Variants in TRAM2 observed in about 807,000 individuals in gnomAD.
TRAM2 encodes translocation associated membrane protein 2.
In TRAM2, 12 loss-of-function variants were observed where a neutral mutation model predicts 51.0. The observed-to-expected ratio is 0.24, with a 90% CI of 0.15 to 0.38. The LOEUF (loss-of-function observed/expected upper bound fraction) is 0.38, where lower values mean the gene tolerates loss of function less well. Among genes scored for constraint, TRAM2 ranks in the 10% least tolerant of loss-of-function variants. The probability of loss-of-function intolerance (pLI) is 1.00; values close to 1 mark genes in which losing one functional copy is unlikely to be tolerated. For synonymous variants in TRAM2, 175 were observed against 179.4 expected (o/e 0.98, Z 0.20); for missense variants, 361 against 462.0 (o/e 0.78, Z 2.00).
At chr6:52,551,767 TCAGTAC>T (rs1381183423) in intron 1 of TRAM2, among the ~76,000 whole-genome samples, 1 of 151,984 alleles carries the variant, frequency 6.6e-6, no homozygotes, top group African/African-American at 2.4e-5. Flanking sequence ...TCTGCAGGGG[TCAGTAC>T]GGCGCTAGCC....
At chr6:52,533,860 G>A (rs1159769776) in intron 2 of TRAM2, among the ~76,000 whole-genome samples, 2 of 152,220 alleles carry the variant, frequency 1.3e-5, no homozygotes, top group Non-Finnish European at 2.9e-5. Context: ...GGGAGGCTGA[G>A]GCGGGTAGAT....
intron 4 of TRAM2, among the ~76,000 whole-genome samples, chr6:52,512,311 C>T (rs1668313786): frequency 6.6e-6 from 1 of 152,028 alleles, no homozygotes; most frequent in Non-Finnish European, 1.5e-5. Context: ...ACTTTGAAGC[C>T]AAAAAGCAAA....
At chr6:52,541,279 T>C (rs1233031293) in intron 1 of TRAM2, among the ~76,000 whole-genome samples, 1 of 152,210 alleles carries the variant, frequency 6.6e-6, no homozygotes, top group Admixed American at 6.5e-5. Flanking sequence ...GTGCCATGCA[T>C]GAGTCCAAGG....
chr6:52,566,817 A>AC (rs774189997), intron 1 of TRAM2, among the ~76,000 whole-genome samples: 16 of 151,324 alleles, frequency 1.1e-4, no homozygotes, highest in Middle Eastern at 3.2e-3. Flanking sequence ...GAGCTAGGAG[A>AC]CCCCCCTCCA....
At chr6:52,546,284 G>A (rs1767198873) in intron 1 of TRAM2, among the ~76,000 whole-genome samples, 1 of 152,200 alleles carries the variant, frequency 6.6e-6, no homozygotes, top group African/African-American at 2.4e-5. Context: ...GCAGAAGGCA[G>A]GTCCTATGAA....
Position 52,497,615 on chromosome 6 carries a change from A to AAAT in TRAM2, c.*5579_*5581dup, listed in dbSNP as rs1168128288. ...ATGAAAGCATAAATACGGCAGGTAC[A>AAAT]AATTTTCCTTGAGTTCCTTGTTGAA... On this transcript the variant is annotated 3_prime_UTR_variant, in exon 11 of 11. Coordinates refer to ENST00000182527, the MANE Select transcript of TRAM2 (RefSeq NM_012288.4). 6.6e-6 allele frequency: 1 copy of AAAT among 152,486 alleles called. No homozygotes were observed. Among genetic ancestry groups the AAAT allele is most frequent in the African/African-American group, 2.4e-5 (1 of 41,394 alleles). The allele number at this position is 152,486 out of a possible 1,614,324, so 9.4% of individuals were successfully genotyped here.
chr6:52,550,330 G>T lies in TRAM2; in HGVS notation c.121-14484C>A, dbSNP rs138533245. On this transcript the variant is annotated intron_variant, in intron 1 of 10. Coordinates refer to ENST00000182527, the MANE Select transcript of TRAM2 (RefSeq NM_012288.4). ...AGCTTAGGGATAGCTCCCCACGTTC[G>T]CAAGCCTTAGAATGCTTTACTGTTC... 6.9e-3 allele frequency among the ~76,000 whole-genome samples: 1,047 copies of T among 152,176 alleles called. 5 individuals carry two copies. Among genetic ancestry groups the T allele is most frequent in the Non-Finnish European group, 0.012 (836 of 68,004 alleles).
At chr6:52,509,663 T>C in intron 4 of TRAM2, 77 bp from the exon 5 acceptor site, 4 of 1,318,518 alleles carry the variant, frequency 3.0e-6, no homozygotes, top group Non-Finnish European at 3.3e-6. Flanking sequence ...GGTCCAGGGG[T>C]CAGGGATGCA....
intron 1 of TRAM2, among the ~76,000 whole-genome samples, chr6:52,542,278 A>ATTT (rs773694383): frequency 0.04 from 4,013 of 99,402 alleles, 57 homozygotes; most frequent in African/African-American, 0.083. Flanking sequence ...TTTTTTTTTA[A>ATTT]AAAAAATAGT....
chr6:52,546,653 G>A (rs191693299), intron 1 of TRAM2, among the ~76,000 whole-genome samples: 1 of 151,938 alleles, frequency 6.6e-6, no homozygotes, highest in East Asian at 1.9e-4. Flanking sequence ...TAAATAAAAT[G>A]TGCTAGGGGT....
At chr6:52,557,273 G>C (rs1767427852) in intron 1 of TRAM2, among the ~76,000 whole-genome samples, 2 of 152,202 alleles carry the variant, frequency 1.3e-5, no homozygotes, top group Middle Eastern at 6.8e-3. Flanking sequence ...GAAAATTAGA[G>C]GCACATAAAA....
In TRAM2 at chr6:52,576,998, C is replaced by T; in HGVS notation, c.-83G>A. ...CAAACTTCTCCAGCACCGGCCCGGT[C>T]CGCCCGCCGGCCCGCCGCCCGCTCT... On this transcript the variant is annotated 5_prime_UTR_variant, in exon 1 of 11. Transcript: ENST00000182527. The T allele has an allele frequency of 7.5e-7, 1 of 1,325,114 alleles. No individual in the cohort carries two copies. Among genetic ancestry groups the T allele is most frequent in the African/African-American group, 1.6e-5 (1 of 63,090 alleles). The allele number at this position is 1,325,114 out of a possible 1,614,324, so 82.1% of individuals were successfully genotyped here.
rs1456940013 is a variant in TRAM2 at position 52,576,828 on chromosome 6, C to G, written c.88G>C (p.Val30Leu). The change falls in exon 1 of 11, where the codon GTG becomes CTG. Residue 30 changes from valine to leucine, a missense_variant. Coordinates refer to ENST00000182527, the MANE Select transcript of TRAM2 (RefSeq NM_012288.4). ...HNHADIGFCLVLCVLIGLMFE... is the reference protein window; with the variant it reads ...HNHADIGFCLLLCVLIGLMFE... ...ATAAGCCCGATGAGGACGCAGAGCA[C>G]CAGGCAGAAGCCGATGTCCGCATGG... The G allele has an allele frequency of 6.2e-7, 1 of 1,613,666 alleles. No homozygotes were observed. Among genetic ancestry groups the G allele is most frequent in the African/African-American group, 1.3e-5 (1 of 74,926 alleles).
chr6:52,507,540 TG>T lies in TRAM2; in HGVS notation c.626+12del. 1 of 1,613,734 alleles carries T rather than the reference TG, an allele frequency of 6.2e-7. No homozygotes were observed. The highest frequency in any genetic ancestry group is 8.5e-7 in the Non-Finnish European group (1 of 1,179,760). ...GGGCAAGGAAATCTGGCTGGCTCCA[TG>T]GTCTCACTCACTTTAAGAGGTATGC... On this transcript the variant is annotated intron_variant, in intron 7 of 10. Transcript: ENST00000182527.
chr6:52,558,305 G>GC (rs994638733), intron 1 of TRAM2, among the ~76,000 whole-genome samples: 2 of 152,114 alleles, frequency 1.3e-5, no homozygotes, highest in Non-Finnish European at 2.9e-5. Context: ...AGGCCCAAAA[G>GC]CCCCCCACGT....
intron 7 of TRAM2, among the ~76,000 whole-genome samples, chr6:52,506,727 C>A (rs1446949752): frequency 1.3e-5 from 2 of 152,180 alleles, no homozygotes; most frequent in Non-Finnish European, 2.9e-5. Flanking sequence ...CAGCCTTCAG[C>A]CCTCAAAGAC....
At chr6:52,576,762 T>A (rs761516830) in intron 1 of TRAM2, 34 bp downstream of exon 1, 60 of 1,606,584 alleles carry the variant, frequency 3.7e-5, no homozygotes, top group Non-Finnish European at 7.7e-6. Context: ...CAGGGGGCAC[T>A]GTCCCTCCAG....
chr6:52,500,498 G>C lies in TRAM2; in HGVS notation c.*2699C>G, dbSNP rs1766188950. On this transcript the variant is annotated 3_prime_UTR_variant, in exon 11 of 11. Coordinates refer to ENST00000182527, the MANE Select transcript of TRAM2 (RefSeq NM_012288.4). Reference sequence around the variant, plus strand: ...TGAAGCCCAGGCTGGCAAGATGCCAGCCCCACTCATGGTCTCAGGGTTTTT... The same window carrying C: ...TGAAGCCCAGGCTGGCAAGATGCCACCCCCACTCATGGTCTCAGGGTTTTT... The C allele has an allele frequency of 6.7e-6, 1 of 149,650 alleles. No individual in the cohort carries two copies. The highest frequency in any genetic ancestry group is 2.5e-5 in the African/African-American group (1 of 40,410). The allele number at this position is 149,650 out of a possible 1,614,324, so 9.3% of individuals were successfully genotyped here. A position where few individuals can be genotyped will look rare whatever the true frequency, so the allele number is the denominator to read the frequency against.
At chr6:52,534,915 G>A (rs1395163422) in intron 2 of TRAM2, among the ~76,000 whole-genome samples, 3 of 152,176 alleles carry the variant, frequency 2.0e-5, no homozygotes, top group Non-Finnish European at 4.4e-5. Flanking sequence ...CATGATGCTG[G>A]CTGGGCTCCC....
Sources: allele counts gnomAD v4.1 joint callset (sites outside exome capture counted in the v4.1 genomes callset), GRCh38; gene constraint gnomAD v4.1.1; transcripts MANE v1.5; gene names NCBI Gene and HGNC (gene_info 2026-07-23, HGNC 2026-07-21).